VPS8: variants seen among roughly 807,000 people sequenced by gnomAD.
VPS8 encodes vacuolar protein sorting-associated protein 8 homolog.
VPS8 carries 129 observed loss-of-function variants against 216.4 expected under a neutral mutation model. That is an observed-to-expected ratio of 0.60 (90% CI 0.52 to 0.69). The LOEUF (loss-of-function observed/expected upper bound fraction) is 0.69, where lower values mean the gene tolerates loss of function less well. Among genes scored for constraint, VPS8 ranks in the 30% least tolerant of loss-of-function variants. VPS8 has a pLI of 0.00. For synonymous variants in VPS8, 571 were observed against 565.4 expected (o/e 1.01, Z -0.14); for missense variants, 1,531 against 1,683.5 (o/e 0.91, Z 1.59).
chr3:184,928,343 A>T, intron 31 of VPS8, 108 bp from the exon 32 acceptor site: 1 of 991,280 alleles, frequency 1.0e-6, no homozygotes, highest in East Asian at 3.2e-5. Flanking sequence ...ATCATCAACT[A>T]AGAATACAAA....
chr3:184,851,339 T>A (rs1724213699), intron 10 of VPS8, among the ~76,000 whole-genome samples: 1 of 152,122 alleles, frequency 6.6e-6, no homozygotes, highest in Non-Finnish European at 1.5e-5. Context: ...CACATAGGAT[T>A]GAATATTTCT....
intron 46 of VPS8, among the ~76,000 whole-genome samples, chr3:185,037,179 C>T (rs1242861201): frequency 2.6e-5 from 4 of 151,634 alleles, no homozygotes; most frequent in African/African-American, 7.3e-5. Flanking sequence ...CAAATTCTCT[C>T]AGTTTTTGTT....
intron 21 of VPS8, among the ~76,000 whole-genome samples, chr3:184,883,584 G>A (rs902363082): frequency 2.6e-5 from 4 of 152,002 alleles, no homozygotes; most frequent in South Asian, 4.1e-4. Context: ...TTTTGTCCAC[G>A]GTTCTTTATA....
chr3:185,050,055 G>T (rs555441361), intron 47 of VPS8, among the ~76,000 whole-genome samples: 1 of 151,942 alleles, frequency 6.6e-6, no homozygotes, highest in African/African-American at 2.4e-5. Flanking sequence ...CTTATTTAAG[G>T]CTCATTGATT....
intron 30 of VPS8, 60 bp downstream of exon 30, chr3:184,925,041 G>C (rs1177418055): frequency 1.3e-6 from 2 of 1,539,380 alleles, no homozygotes; most frequent in African/African-American, 1.4e-5. Context: ...ACAGTTCCCT[G>C]GATTACACTG....
chr3:185,032,648 A>G (rs1758329005), intron 46 of VPS8, among the ~76,000 whole-genome samples: 1 of 152,188 alleles, frequency 6.6e-6, no homozygotes, highest in Admixed American at 6.5e-5. Context: ...GATTTTGTTA[A>G]TAATTTTTGT....
In VPS8 at chr3:184,853,935, T is replaced by C; in HGVS notation, c.900T>C (p.Pro300=). ...AGGGTGAAGTCTGCTGTATTGAGCC[T>C]CTGCATTCTAAGCCTGAGTTGAAAG... ...GSKGEVCCIE[P]LHSKPELKDH... The change falls in exon 12 of 48, where the codon CCT becomes CCC. Residue 300 remains proline, a synonymous_variant. Coordinates refer to ENST00000625842, the MANE Select transcript of VPS8 (RefSeq NM_001009921.3). 1.9e-6 allele frequency: 3 copies of C among 1,613,050 alleles called. No individual in the cohort carries two copies. The highest frequency in any genetic ancestry group is 1.7e-6 in the Non-Finnish European group (2 of 1,179,548).
chr3:184,859,239 A>G (rs1318631766), intron 14 of VPS8, among the ~76,000 whole-genome samples: 1 of 152,218 alleles, frequency 6.6e-6, no homozygotes, highest in Non-Finnish European at 1.5e-5. Context: ...CTTCCTTCTT[A>G]AAACGAGTTA....
intron 3 of VPS8, among the ~76,000 whole-genome samples, chr3:184,826,710 C>T (rs927356948): frequency 6.6e-6 from 1 of 152,236 alleles, no homozygotes; most frequent in African/African-American, 2.4e-5. Context: ...TAAGTTGTCT[C>T]TACCACTGAT....
intron 45 of VPS8, among the ~76,000 whole-genome samples, chr3:185,022,369 T>C (rs1756783772): frequency 6.6e-6 from 1 of 152,126 alleles, no homozygotes; most frequent in African/African-American, 2.4e-5. Flanking sequence ...GATATTCTGG[T>C]CTCTGTATAT....
chr3:184,980,930 A>G (rs1200338995), intron 40 of VPS8, among the ~76,000 whole-genome samples: 1 of 152,174 alleles, frequency 6.6e-6, no homozygotes, highest in Admixed American at 6.5e-5. Context: ...TCTCATCCGT[A>G]TAAGCTGGTG....
rs563364165 is a variant in VPS8 at position 184,869,646 on chromosome 3, A to AACAC, written c.1644+130_1644+133dup. ...CAATCTAGAAGAGAGTGTATTAAAA[A>AACAC]ACACACACACACACAGACACACACT... On this transcript the variant is annotated intron_variant, in intron 20 of 47. Transcript: ENST00000625842. 1.1e-5 allele frequency: 10 copies of AACAC among 933,500 alleles called. No individual in the cohort carries two copies. In the African/African-American group the frequency reaches 1.5e-4, roughly 14 times the overall value. The allele number at this position is 933,500 out of a possible 1,614,324, so 57.8% of individuals were successfully genotyped here.
At chr3:184,914,915 G>C in intron 26 of VPS8, 66 bp from the exon 27 acceptor site, 1 of 1,448,996 alleles carries the variant, frequency 6.9e-7, no homozygotes, top group Non-Finnish European at 9.7e-7. Context: ...GAGAAACAAT[G>C]TGTTACTCGC....
At chr3:184,859,302 T>G (rs755669403) in intron 14 of VPS8, among the ~76,000 whole-genome samples, 3 of 152,236 alleles carry the variant, frequency 2.0e-5, no homozygotes, top group African/African-American at 4.8e-5. Context: ...TAAACTTTTA[T>G]TAAGCATCAG....
At position 184,894,780 on chromosome 3, in the gene VPS8, A is replaced by G; in HGVS notation, c.1859A>G (p.Glu620Gly). 1.9e-6 allele frequency: 3 copies of G among 1,610,178 alleles called. No individual in the cohort carries two copies. The highest frequency in any genetic ancestry group is 1.7e-6 in the Non-Finnish European group (2 of 1,178,016). The change falls in exon 23 of 48, where the codon GAG (glutamate) becomes GGG (glycine). Residue 620 changes from glutamate (E) to glycine (G), a missense_variant. Physicochemically the swap from Glu to Gly is moderately conservative, Grantham distance 98. Coordinates refer to ENST00000625842, the MANE Select transcript of VPS8 (RefSeq NM_001009921.3). ...VAKGVFLECL[E>G]PYILSDKLVG... ...AAAGGAGTATTTTTGGAGTGCCTTG[A>G]GCCATATATTTTAAGTGATAAATTG...
chr3:184,877,552 G>T (rs1056605979), intron 21 of VPS8, among the ~76,000 whole-genome samples: 13 of 152,100 alleles, frequency 8.5e-5, no homozygotes, highest in Admixed American at 8.5e-4. Context: ...ATCTTATTTA[G>T]TCCTTATAAC....
chr3:184,858,146 CT>C (rs1419469734), intron 14 of VPS8, among the ~76,000 whole-genome samples: 1 of 152,092 alleles, frequency 6.6e-6, no homozygotes, highest in Admixed American at 6.5e-5. Flanking sequence ...GTATCTTGTG[CT>C]TTATATTTCT....
chr3:184,848,983 C>T (rs1723721944), intron 8 of VPS8, 88 bp from the exon 9 acceptor site: 5 of 1,419,306 alleles, frequency 3.5e-6, no homozygotes, highest in Non-Finnish European at 2.0e-6. Context: ...ATTCTTGTCA[C>T]CTCCCAAGTC....
chr3:184,922,592 C>A, intron 29 of VPS8: 1 of 320,316 alleles, frequency 3.1e-6, no homozygotes, highest in Non-Finnish European at 6.2e-6. Context: ...TGGTGACTTG[C>A]CATTCTTGTA....
Sources: gnomAD v4.1 joint callset for allele counts (sites outside exome capture counted in the v4.1 genomes callset) on GRCh38, gnomAD v4.1.1 for gene constraint, MANE v1.5 for transcripts, NCBI Gene and HGNC (gene_info 2026-07-23, HGNC 2026-07-21) for gene names.